NUDT4: variants seen among roughly 807,000 people sequenced by gnomAD.
NUDT4 encodes nudix hydrolase 4.
In NUDT4, 5 loss-of-function variants were observed where a neutral mutation model predicts 23.1. The observed-to-expected ratio is 0.22, with a 90% confidence interval of 0.11 to 0.46. NUDT4 has a LOEUF of 0.46. NUDT4 is among the 20% of genes least tolerant of loss of function. The probability of loss-of-function intolerance (pLI) is 0.99; values close to 1 mark genes in which losing one functional copy is unlikely to be tolerated. For synonymous variants in NUDT4, 50 were observed against 79.0 expected (o/e 0.63, Z 1.95); for missense variants, 96 against 211.6 (o/e 0.45, Z 3.39).
At chr12:93,378,931 C>A in intron 1 of NUDT4, 2 of 329,228 alleles carry the variant, frequency 6.1e-6, no homozygotes, top group South Asian at 1.2e-4. Flanking sequence ...CTAGTCTTGG[C>A]AATTCTTGTG....
At chr12:93,382,264 CAAAAA>C (rs61019568) in intron 1 of NUDT4, among the ~76,000 whole-genome samples, 1 of 113,462 alleles carries the variant, frequency 8.8e-6, no homozygotes, top group African/African-American at 3.5e-5. Context: ...ACCCTGCCTG[CAAAAA>C]AAAAAAAAAA....
intron 1 of NUDT4, 75 bp downstream of exon 1, chr12:93,378,496 G>C: frequency 7.2e-7 from 1 of 1,385,240 alleles, no homozygotes; most frequent in Non-Finnish European, 9.5e-7. Context: ...CTCGCTCCCC[G>C]CCCCTGCGCA....
At chr12:93,395,779 G>T (rs1233426990) in intron 3 of NUDT4, among the ~76,000 whole-genome samples, 1 of 152,066 alleles carries the variant, frequency 6.6e-6, no homozygotes, top group African/African-American at 2.4e-5. Flanking sequence ...GGAGTTCAGT[G>T]GTGCAATCTT....
chr12:93,402,252 C>CTTTTTT lies in NUDT4; in HGVS notation c.*2873_*2874insTTTTTT, dbSNP rs1877503840. On this transcript the variant is annotated 3_prime_UTR_variant, in exon 5 of 5. Coordinates refer to ENST00000415493, the MANE Select transcript of NUDT4 (RefSeq NM_019094.6). Reference sequence around the variant, plus strand: ...ATCCTGACTTTTTTATATTTGGAAACATCAAATAAAAATGGAAAAAATGAT... The same window carrying CTTTTTT: ...ATCCTGACTTTTTTATATTTGGAAACTTTTTTATCAAATAAAAATGGAAAAAATGAT... 2 of 151,618 alleles carry CTTTTTT rather than the reference C, an allele frequency of 1.3e-5. No homozygotes were observed. The highest frequency in any genetic ancestry group is 2.9e-5 in the Non-Finnish European group (2 of 67,874). 9.4% of individuals were successfully genotyped at this position (151,618 alleles called of 1,614,324 possible). A position where few individuals can be genotyped will look rare whatever the true frequency, so the allele number is the denominator to read the frequency against.
At chr12:93,382,427 C>G (rs904998252) in intron 1 of NUDT4, among the ~76,000 whole-genome samples, 2 of 152,092 alleles carry the variant, frequency 1.3e-5, no homozygotes, top group East Asian at 1.9e-4. Context: ...CAAAATCATG[C>G]AGTAAAGCTT....
At chr12:93,386,878 A>G (rs1876138318) in intron 1 of NUDT4, among the ~76,000 whole-genome samples, 2 of 152,158 alleles carry the variant, frequency 1.3e-5, no homozygotes, top group Admixed American at 1.3e-4. Context: ...TAATGAAAGT[A>G]CACCTTCTTA....
intron 1 of NUDT4, among the ~76,000 whole-genome samples, chr12:93,390,466 G>A (rs544318595): frequency 1.3e-5 from 2 of 152,230 alleles, no homozygotes; most frequent in East Asian, 3.9e-4. Context: ...AAAATACAAA[G>A]GTTTTGAAAT....
chr12:93,396,741 T>TC (rs148217852), intron 3 of NUDT4, among the ~76,000 whole-genome samples: 3,807 of 152,134 alleles, frequency 0.025, 147 homozygotes, highest in African/African-American at 0.083. Flanking sequence ...GGTGAAACCC[T>TC]GTCTCTACTA....
chr12:93,392,653 T>C (rs1334569727), intron 1 of NUDT4, among the ~76,000 whole-genome samples: 4 of 126,196 alleles, frequency 3.2e-5, no homozygotes, highest in African/African-American at 1.2e-4. Context: ...TGTAACAATT[T>C]GTAGATTTCA....
In NUDT4 at chr12:93,394,644, G is replaced by A; in HGVS notation, c.135G>A (p.Gln45=). The A allele has an allele frequency of 6.4e-7, 1 of 1,555,322 alleles. No homozygotes were observed. The highest frequency in any genetic ancestry group is 8.7e-7 in the Non-Finnish European group (1 of 1,148,948). ...LLVSSSRYPD[Q]WIVPGGGMEP... ...TGAGTAGCAGCCGGTACCCAGACCA[G>A]TGGATTGTCCCAGGAGGAGGAATGG... The change falls in exon 2 of 5, where the codon CAG becomes CAA. Residue 45 remains glutamine, a synonymous_variant. Coordinates refer to ENST00000415493, the MANE Select transcript of NUDT4 (RefSeq NM_019094.6).
At position 93,405,905 on chromosome 12, in the gene NUDT4, T is replaced by C. The variant is rs1181953319; in HGVS notation, c.*6526T>C. ...ATAAAGCAATAAATTAGGTACCCTATTATCATGGTATTTTCTTTTTTGGCC... is the reference window on the plus strand; with the variant it reads ...ATAAAGCAATAAATTAGGTACCCTACTATCATGGTATTTTCTTTTTTGGCC... On this transcript the variant is annotated 3_prime_UTR_variant, in exon 5 of 5. Coordinates refer to ENST00000415493, the MANE Select transcript of NUDT4 (RefSeq NM_019094.6). 6.6e-6 allele frequency: 1 copy of C among 152,154 alleles called. No individual in the cohort carries two copies. The highest frequency in any genetic ancestry group is 2.4e-5 in the African/African-American group (1 of 41,444). The allele number at this position is 152,154 out of a possible 1,614,324, so 9.4% of individuals were successfully genotyped here.
chr12:93,378,578 A>T (rs538434665), intron 1 of NUDT4, 157 bp downstream of exon 1: 1 of 1,285,730 alleles, frequency 7.8e-7, no homozygotes, highest in African/African-American at 1.6e-5. Context: ...TTCCTCCCTC[A>T]CTTCTTCCTT....
chr12:93,379,190 AGAGC>A (rs1301608921), intron 1 of NUDT4, among the ~76,000 whole-genome samples: 5 of 152,304 alleles, frequency 3.3e-5, no homozygotes, highest in African/African-American at 1.2e-4. Context: ...TCTCGTTCTC[AGAGC>A]AGTCGTTCTT....
At chr12:93,394,469 A>G (rs1227422630) in intron 1 of NUDT4, 140 bp from the exon 2 acceptor site, 1 of 489,940 alleles carries the variant, frequency 2.0e-6, no homozygotes, top group Non-Finnish European at 3.7e-6. Flanking sequence ...TTGTGGTGTA[A>G]TGCGTACCCC....
chr12:93,385,651 G>A (rs1403099935), intron 1 of NUDT4, among the ~76,000 whole-genome samples: 3 of 152,158 alleles, frequency 2.0e-5, no homozygotes, highest in South Asian at 4.2e-4. Context: ...ATAGAAATGT[G>A]TAGATGGCTG....
chr12:93,394,142 A>G (rs1163442537), intron 1 of NUDT4, among the ~76,000 whole-genome samples: 1 of 151,900 alleles, frequency 6.6e-6, no homozygotes, highest in Non-Finnish European at 1.5e-5. Flanking sequence ...AGCTGGGACT[A>G]TAGGCGCCCG....
At chr12:93,389,831 C>T (rs563696023) in intron 1 of NUDT4, among the ~76,000 whole-genome samples, 3 of 151,044 alleles carry the variant, frequency 2.0e-5, no homozygotes, top group Middle Eastern at 6.4e-3. Context: ...ACCAAGGAGG[C>T]GGAGGTTGCA....
At position 93,404,552 on chromosome 12, in the gene NUDT4, A is replaced by G. The variant is rs1286422015; in HGVS notation, c.*5173A>G. 1 of 152,240 alleles carries G rather than the reference A, an allele frequency of 6.6e-6. No homozygotes were observed. The highest frequency in any genetic ancestry group is 2.4e-5 in the African/African-American group (1 of 41,454). 9.4% of individuals were successfully genotyped at this position (152,240 alleles called of 1,614,324 possible). On this transcript the variant is annotated 3_prime_UTR_variant, in exon 5 of 5. Coordinates refer to ENST00000415493, the MANE Select transcript of NUDT4 (RefSeq NM_019094.6). The stretch of plus-strand genomic sequence containing the variant: ...GTGTTGTAGGATTTATGAAACTGGT[A>G]CCAATTTAATATTCAAATGTGATTA...
rs1376795200 is a variant in NUDT4, at chr12:93,401,446, G to C, written c.*2067G>C. ...CACCTGAAATGCTGTCATAAGTACT[G>C]GGGGGGTGGGGGAGTGCCCATCTTG... On this transcript the variant is annotated 3_prime_UTR_variant, in exon 5 of 5. Transcript: ENST00000415493. 2 of 148,164 alleles carry C rather than the reference G, an allele frequency of 1.3e-5. No homozygotes were observed. The highest frequency in any genetic ancestry group is 4.9e-5 in the African/African-American group (2 of 40,828). 9.2% of individuals were successfully genotyped at this position (148,164 alleles called of 1,614,324 possible).
Sources: allele counts gnomAD v4.1 joint callset (sites outside exome capture counted in the v4.1 genomes callset), GRCh38; gene constraint gnomAD v4.1.1; transcripts MANE v1.5; gene names NCBI Gene and HGNC (gene_info 2026-07-23, HGNC 2026-07-21).